The following SLC12A9 variants were observed in gnomAD, a reference collection of about 807,000 sequenced individuals.
SLC12A9 encodes the protein solute carrier family 12 member 9.
In SLC12A9, 55 loss-of-function variants were observed where a neutral mutation model predicts 66.0. That is an observed-to-expected ratio of 0.83 (90% CI 0.67 to 1.04). SLC12A9 has a LOEUF of 1.04. SLC12A9 is among the 50% of genes least tolerant of loss of function. SLC12A9 has a pLI of 0.00. For synonymous variants in SLC12A9, 577 were observed against 569.0 expected (o/e 1.01, Z -0.20); for missense variants, 1,061 against 1,241.9 (o/e 0.85, Z 2.19).
intron 1 of SLC12A9, among the ~76,000 whole-genome samples, chr7:100,837,805 T>G (rs1813692503): frequency 6.6e-6 from 1 of 151,874 alleles, no homozygotes. Context: ...ATTATAAACC[T>G]GAGCCAATTT....
At chr7:100,853,635 G>A (rs1031628610) in intron 1 of SLC12A9, among the ~76,000 whole-genome samples, 4 of 149,360 alleles carry the variant, frequency 2.7e-5, no homozygotes, top group African/African-American at 5.0e-5. Context: ...ATCTCGGCTC[G>A]CTGCAGCCCT....
At chr7:100,865,170 C>T in intron 13 of SLC12A9, 1 of 1,222,388 alleles carries the variant, frequency 8.2e-7, no homozygotes, top group Non-Finnish European at 1.2e-6. Flanking sequence ...ATTGGCCAGG[C>T]TGGTCTCAAA....
At position 100,865,770 on chromosome 7, in the gene SLC12A9, C is replaced by T. The variant is rs374398396; in HGVS notation, c.1910C>T (p.Pro637Leu). ...LVLGFYDDAP[P>L]QDHFLTDPAF... The stretch of plus-strand genomic sequence containing the variant: ...CTAGGTTTCTACGATGACGCTCCAC[C>T]GCAGGACCATTTCCTGACGGACCCG... Residue 637 changes from proline (P) to leucine (L), a missense_variant, in exon 14 of 14, where the codon CCG becomes CTG. Physicochemically the swap from Pro to Leu is moderately conservative, Grantham distance 98 (BLOSUM62 -3). Coordinates refer to ENST00000354161, the MANE Select transcript of SLC12A9 (RefSeq NM_020246.4). The T allele has an allele frequency of 3.1e-5, 50 of 1,613,864 alleles. No individual in the cohort carries two copies. The highest frequency in any genetic ancestry group is 1.6e-4 in the Middle Eastern group (1 of 6,080).
At chr7:100,837,076 G>A (rs1374064620) in intron 1 of SLC12A9, among the ~76,000 whole-genome samples, 1 of 152,112 alleles carries the variant, frequency 6.6e-6, no homozygotes, top group Non-Finnish European at 1.5e-5. Flanking sequence ...GAAAATCTCA[G>A]ATACTGAATC....
At chr7:100,833,238 CT>C (rs1813578058) in intron 1 of SLC12A9, among the ~76,000 whole-genome samples, 1 of 151,850 alleles carries the variant, frequency 6.6e-6, no homozygotes, top group Non-Finnish European at 1.5e-5. Context: ...AATCTTAGCA[CT>C]TTGGGAGGCC....
At chr7:100,855,320 C>A in intron 3 of SLC12A9, 1 of 271,746 alleles carries the variant, frequency 3.7e-6, no homozygotes, top group Non-Finnish European at 7.2e-6. Flanking sequence ...TGGAATCTTG[C>A]TATGTTTCCC....
chr7:100,854,784 T>C, intron 3 of SLC12A9, 30 bp downstream of exon 3: 4 of 1,612,234 alleles, frequency 2.5e-6, no homozygotes, highest in Non-Finnish European at 3.4e-6. Context: ...GACTGGGGTC[T>C]GGCCTGTTCT....
intron 1 of SLC12A9, among the ~76,000 whole-genome samples, chr7:100,840,468 T>TA (rs1356720612): frequency 6.6e-6 from 1 of 152,074 alleles, no homozygotes; most frequent in Non-Finnish European, 1.5e-5. Flanking sequence ...CCAGTTCCCG[T>TA]ACATAGACAC....
At chr7:100,836,830 C>T (rs1813669981) in intron 1 of SLC12A9, among the ~76,000 whole-genome samples, 1 of 106,048 alleles carries the variant, frequency 9.4e-6, no homozygotes, top group Admixed American at 1.3e-4. Context: ...ATTCACCAGA[C>T]TTAATCCTGG....
chr7:100,836,548 C>G (rs993092509), intron 1 of SLC12A9, among the ~76,000 whole-genome samples: 2 of 152,134 alleles, frequency 1.3e-5, no homozygotes, highest in East Asian at 3.9e-4. Flanking sequence ...CTGGCCAGAG[C>G]CTTCCACATC....
intron 13 of SLC12A9, 135 bp downstream of exon 13, chr7:100,862,962 C>A: frequency 1.9e-6 from 2 of 1,076,078 alleles, no homozygotes; most frequent in Non-Finnish European, 1.3e-6. Context: ...TAAGACAGTG[C>A]TCAAAGATAA....
At chr7:100,835,460 GC>G (rs1813634356) in intron 1 of SLC12A9, among the ~76,000 whole-genome samples, 1 of 151,698 alleles carries the variant, frequency 6.6e-6, no homozygotes, top group African/African-American at 2.4e-5. Flanking sequence ...GACCATCCTG[GC>G]CAACATGGTG....
Position 100,859,898 on chromosome 7 carries a change from G to A in SLC12A9, c.991G>A (p.Glu331Lys), listed in dbSNP as rs765126069. The A allele has an allele frequency of 1.9e-6, 3 of 1,599,990 alleles. No homozygotes were observed. The highest frequency in any genetic ancestry group is 2.6e-6 in the Non-Finnish European group (3 of 1,168,266). ...SFTCDRTLLQ[E>K]DYGFFRAISL... The stretch of plus-strand genomic sequence containing the variant: ...CCTCCTTCCTAGGACCCTGCTGCAG[G>A]AAGACTATGGGTTCTTCCGCGCCAT... The change falls in exon 8 of 14, where the codon GAA becomes AAA. Residue 331 changes from glutamate (E) to lysine (K), a missense_variant. Transcript: ENST00000354161.
At chr7:100,829,379 C>A (rs1253337343) in intron 1 of SLC12A9, among the ~76,000 whole-genome samples, 1 of 152,178 alleles carries the variant, frequency 6.6e-6, no homozygotes. Flanking sequence ...GGCTGCCAAG[C>A]GCCCTTACGT....
intron 1 of SLC12A9, among the ~76,000 whole-genome samples, chr7:100,827,984 C>T (rs1013346050): frequency 6.6e-6 from 1 of 152,224 alleles, no homozygotes; most frequent in Non-Finnish European, 1.5e-5. Flanking sequence ...CCACCACCCT[C>T]TAGTGGGCGC....
chr7:100,856,071 C>A (rs1715236039), intron 4 of SLC12A9: 1 of 432,872 alleles, frequency 2.3e-6, no homozygotes, highest in Non-Finnish European at 3.8e-6. Flanking sequence ...ATTCTTAAAA[C>A]TGACAGAGAC....
At chr7:100,831,642 G>C (rs953671308) in intron 1 of SLC12A9, among the ~76,000 whole-genome samples, 59 of 152,270 alleles carry the variant, frequency 3.9e-4, no homozygotes, top group African/African-American at 1.3e-3. Context: ...CGGCTAATAA[G>C]TTTACTTTTT....
At chr7:100,853,021 G>A (rs1057331442) in intron 1 of SLC12A9, among the ~76,000 whole-genome samples, 186 bp downstream of exon 1, 3 of 152,084 alleles carry the variant, frequency 2.0e-5, no homozygotes, top group African/African-American at 7.2e-5. Flanking sequence ...TCGCTAGGGT[G>A]TGTTTGGGTT....
chr7:100,838,508 G>A lies in SLC12A9; in HGVS notation n.228+11461G>A, dbSNP rs147048925. ...CATTCTGAGACACTTCTGAGCAGAG[G>A]AGATACTATTATTTATTTATTTATT... On this transcript the variant is annotated intron_variant and non_coding_transcript_variant, in intron 1 of 1. Coordinates refer to the SLC12A9 transcript ENST00000461016. Among the ~76,000 whole-genome samples, 69 of 152,200 alleles carry A rather than the reference G, an allele frequency of 4.5e-4. No individual in the cohort carries two copies. The South Asian group carries it at 7.7e-3, about 17-fold the overall frequency.
Sources: allele counts gnomAD v4.1 joint callset (sites outside exome capture counted in the v4.1 genomes callset), GRCh38; gene constraint gnomAD v4.1.1; transcripts MANE v1.5; gene names NCBI Gene and HGNC (gene_info 2026-07-23, HGNC 2026-07-21).